UGT1A8: variants seen among roughly 807,000 people sequenced by gnomAD.
UGT1A8 encodes UDP-glucuronosyltransferase 1A8.
A neutral mutation model predicts 45.3 loss-of-function variants in UGT1A8; 39 were observed. The observed-to-expected ratio is 0.86, with a 90% CI of 0.67 to 1.12. UGT1A8 has a LOEUF of 1.12. UGT1A8 is among the 50% of genes most tolerant of loss of function. The pLI is 0.00. For synonymous variants in UGT1A8, 275 were observed against 249.2 expected (o/e 1.10, Z -0.97); for missense variants, 719 against 664.9 (o/e 1.08, Z -0.90).
chr2:233,747,369 G>C lies in UGT1A8; in HGVS notation c.856-19665G>C, dbSNP rs1248922678. On this transcript the variant is annotated intron_variant, in intron 1 of 4. Coordinates refer to ENST00000373450, the MANE Select transcript of UGT1A8 (RefSeq NM_019076.5). ...GCGGGAGGCCGTGCGGGAGCTCCAT[G>C]CCAGAGGCCACCAGGCGGTGGTCCT... 94 of 1,604,318 alleles carry C rather than the reference G, an allele frequency of 5.9e-5. 1 individual carries two copies. Among genetic ancestry groups the C allele is most frequent in the South Asian group, 2.1e-4 (19 of 90,452 alleles).
intron 1 of UGT1A8, chr2:233,752,620 G>A (rs1390592836): frequency 7.2e-5 from 11 of 152,184 alleles, no homozygotes; most frequent in Non-Finnish European, 2.9e-5. Flanking sequence ...TTAGCTAGGT[G>A]TGGTAGCTGT....
intron 1 of UGT1A8, among the ~76,000 whole-genome samples, chr2:233,765,711 T>TTAATAA (rs10664358): frequency 0.086 from 12,799 of 149,198 alleles, 827 homozygotes; most frequent in East Asian, 0.2. Flanking sequence ...ATAATAATAA[T>TTAATAA]TAATAATAAT....
At chr2:233,693,672 A>G in intron 1 of UGT1A8, 1 of 1,614,118 alleles carries the variant, frequency 6.2e-7, no homozygotes, top group Non-Finnish European at 8.5e-7. Flanking sequence ...TATCTATTTT[A>G]TTGTCTGTTT....
At chr2:233,644,698 G>C (rs575491822) in intron 1 of UGT1A8, among the ~76,000 whole-genome samples, 4 of 152,308 alleles carry the variant, frequency 2.6e-5, no homozygotes, top group African/African-American at 9.6e-5. Flanking sequence ...TCTCCCACCA[G>C]GGCTCAGGGA....
rs28900404 is a variant in UGT1A8, at chr2:233,769,354, G to A, written c.1295+915G>A. ...TTATTAGAACCTTATGGGAAGAAGT[G>A]GTGGCCAGTGGTAGATTTCATCCGA... On this transcript the variant is annotated intron_variant, in intron 4 of 4. Transcript: ENST00000373450. This position sits in a 1 kb window ranked among gnomAD's most constrained non-coding sequence, Gnocchi z 4.4. Among the ~76,000 whole-genome samples the A allele has an allele frequency of 7.2e-4, 110 of 152,348 alleles. No individual in the cohort carries two copies. The highest frequency in any genetic ancestry group is 2.6e-3 in the African/African-American group (108 of 41,580).
intron 1 of UGT1A8, chr2:233,648,997 A>G: frequency 1.4e-6 from 2 of 1,387,288 alleles, no homozygotes. Context: ...TGGTGGTATC[A>G]ACTGCAATCA....
At chr2:233,662,567 C>T (rs1383431113) in intron 1 of UGT1A8, among the ~76,000 whole-genome samples, 3 of 152,164 alleles carry the variant, frequency 2.0e-5, no homozygotes, top group Non-Finnish European at 4.4e-5. Context: ...CATAGATGAT[C>T]ATGTTGACTG....
At chr2:233,681,530 CAAAAA>C (rs747693860) in intron 1 of UGT1A8, among the ~76,000 whole-genome samples, 6 of 77,724 alleles carry the variant, frequency 7.7e-5, no homozygotes, top group African/African-American at 1.4e-4. Flanking sequence ...GACTCCATCT[CAAAAA>C]AAAAAAAAAA....
intron 1 of UGT1A8, among the ~76,000 whole-genome samples, chr2:233,662,872 G>A (rs2074003471): frequency 7.1e-6 from 1 of 141,692 alleles, no homozygotes; most frequent in Non-Finnish European, 1.5e-5. Context: ...CACTTTTTCT[G>A]TAACTATTAA....
intron 1 of UGT1A8, chr2:233,636,897 G>GAGTTTGTT: frequency 1.2e-6 from 2 of 1,614,090 alleles, no homozygotes; most frequent in Non-Finnish European, 1.7e-6. Context: ...CGCATTGCAG[G>GAGTTTGTT]AGTTTGTTTA....
At chr2:233,698,865 T>A (rs1197364655) in intron 1 of UGT1A8, among the ~76,000 whole-genome samples, 1 of 152,248 alleles carries the variant, frequency 6.6e-6, no homozygotes, top group East Asian at 1.9e-4. Context: ...TTGGTGTGAC[T>A]TTGCGACTTT....
At chr2:233,676,692 G>A (rs1472017831) in intron 1 of UGT1A8, among the ~76,000 whole-genome samples, 1 of 152,146 alleles carries the variant, frequency 6.6e-6, no homozygotes, top group Non-Finnish European at 1.5e-5. Context: ...GTGTCCTGTA[G>A]AATGTTCCTC....
intron 1 of UGT1A8, among the ~76,000 whole-genome samples, chr2:233,626,169 A>C (rs942852916): frequency 1.3e-5 from 2 of 152,074 alleles, no homozygotes; most frequent in Non-Finnish European, 2.9e-5. Flanking sequence ...TGTATTTAAA[A>C]ATGCTTTTAT....
In UGT1A8 at chr2:233,618,325, A is replaced by G; in HGVS notation, c.618A>G (p.Arg206=). 6.2e-7 allele frequency: 1 copy of G among 1,613,960 alleles called. No individual in the cohort carries two copies. Among genetic ancestry groups the G allele is most frequent in the Non-Finnish European group, 8.5e-7 (1 of 1,179,864 alleles). ...GFSDAMTFKE[R]VRNHIMHLEE... is the part of the protein sequence containing the mutation. Reference sequence around the variant, plus strand: ...CAGATGCCATGACTTTCAAGGAGAGAGTACGGAACCACATCATGCACTTGG... The same window carrying G: ...CAGATGCCATGACTTTCAAGGAGAGGGTACGGAACCACATCATGCACTTGG... Residue 206 remains arginine, a synonymous_variant, in exon 1 of 5, where the codon AGA becomes AGG. Transcript: ENST00000373450.
intron 1 of UGT1A8, chr2:233,682,836 G>A: frequency 6.5e-7 from 1 of 1,546,838 alleles, no homozygotes; most frequent in South Asian, 1.3e-5. Context: ...ATCTGGCTTT[G>A]GAAATTAAAA....
intron 1 of UGT1A8, among the ~76,000 whole-genome samples, chr2:233,630,168 T>C (rs764576118): frequency 7.2e-5 from 11 of 152,134 alleles, no homozygotes; most frequent in Non-Finnish European, 1.6e-4. Context: ...ATTTCTGTTC[T>C]GAAGTAAGCC....
At chr2:233,688,240 G>A (rs546662065) in intron 1 of UGT1A8, among the ~76,000 whole-genome samples, 1 of 152,328 alleles carries the variant, frequency 6.6e-6, no homozygotes, top group South Asian at 2.1e-4. Context: ...GCATGAATCA[G>A]TATTTCATTC....
rs1185341007 is a variant in UGT1A8, at chr2:233,619,160, T to A, written c.855+598T>A. Among the ~76,000 whole-genome samples, 3 of 152,174 alleles carry A rather than the reference T, an allele frequency of 2.0e-5. No individual in the cohort carries two copies. In the East Asian group the frequency reaches 5.8e-4, roughly 29 times the overall value. ...TATCTAATGTAAATTCTCATACCTA[T>A]TTTGTTAAAATAAACTTTTATGCTG... On this transcript the variant is annotated intron_variant, in intron 1 of 4. Coordinates refer to ENST00000373450, the MANE Select transcript of UGT1A8 (RefSeq NM_019076.5).
intron 1 of UGT1A8, among the ~76,000 whole-genome samples, chr2:233,679,592 T>C (rs746146056): frequency 6.6e-6 from 1 of 152,178 alleles, no homozygotes; most frequent in Non-Finnish European, 1.5e-5. Context: ...TAGGGCACTG[T>C]CATCTGTATT....
Sources: gnomAD v4.1 joint callset for allele counts (sites outside exome capture counted in the v4.1 genomes callset) on GRCh38, gnomAD v4.1.1 for gene constraint, Gnocchi (gnomAD v3.1) non-coding constraint, MANE v1.5 for transcripts, NCBI Gene and HGNC (gene_info 2026-07-23, HGNC 2026-07-21) for gene names.